Variants in DBN1 observed in about 807,000 individuals in gnomAD.
DBN1 encodes drebrin 1.
A neutral mutation model predicts 83.5 loss-of-function variants in DBN1; 21 were observed. The ratio of observed to expected loss-of-function variants is 0.25; its 90% confidence interval spans 0.18 to 0.36. The LOEUF (loss-of-function observed/expected upper bound fraction) is 0.36, where lower values mean the gene tolerates loss of function less well. DBN1 is among the 10% of genes least tolerant of loss of function. DBN1 has a pLI of 1.00. For missense variants in DBN1, 874 were observed against 935.7 expected (o/e 0.93, Z 0.86); for synonymous variants, 381 against 384.9 (o/e 0.99, Z 0.12).
chr5:177,467,865 C>T lies in DBN1; in HGVS notation c.256-48G>A. ...GGGGTCAGGAAAGGACAAGGGGGGC[C>T]CTACACGATAGGGTGCATCTTCCCC... On this transcript the variant is annotated intron_variant, in intron 3 of 14. Transcript: ENST00000393565. This position sits in a 1 kb window ranked among gnomAD's most constrained non-coding sequence, Gnocchi z 9.1. 6.3e-7 allele frequency: 1 copy of T among 1,582,026 alleles called. No individual in the cohort carries two copies. Among genetic ancestry groups the T allele is most frequent in the Non-Finnish European group, 8.6e-7 (1 of 1,160,998 alleles).
intron 8 of DBN1, among the ~76,000 whole-genome samples, 200 bp from the exon 9 acceptor site, chr5:177,460,903 C>A (rs912524064): frequency 2.0e-5 from 3 of 152,150 alleles, no homozygotes; most frequent in Non-Finnish European, 2.9e-5. Flanking sequence ...CCTCAGCCTC[C>A]CGAGTAGCTG....
rs780160317 is a variant in DBN1, at chr5:177,473,527, G to C, written c.-6C>G. 1.4e-6 allele frequency: 2 copies of C among 1,400,454 alleles called. No homozygotes were observed. The highest frequency in any genetic ancestry group is 1.9e-6 in the Non-Finnish European group (2 of 1,067,824). 86.8% of individuals were successfully genotyped at this position (1,400,454 alleles called of 1,614,324 possible). A position where few individuals can be genotyped will look rare whatever the true frequency, so the allele number is the denominator to read the frequency against. ...CTGAAGCTGACGCCGGCCATGCTTC[G>C]GGCCGGACCGGGCCGAACGGACAGA... On this transcript the variant is annotated 5_prime_UTR_variant, in exon 1 of 15. Coordinates refer to ENST00000393565, the MANE Select transcript of DBN1 (RefSeq NM_001363541.2).
chr5:177,466,634 T>C lies in DBN1; in HGVS notation c.771+138A>G, dbSNP rs888679354. 1.3e-5 allele frequency: 13 copies of C among 970,716 alleles called. No individual in the cohort carries two copies. The highest frequency in any genetic ancestry group is 6.4e-5 in the African/African-American group (4 of 62,098). The allele number at this position is 970,716 out of a possible 1,614,324, so 60.1% of individuals were successfully genotyped here. ...ATGAGGTGCCAGGCCTCATGCTCCATGGCACCCTGTGCCCATGCAGCTCCC... is the reference window on the plus strand; with the variant it reads ...ATGAGGTGCCAGGCCTCATGCTCCACGGCACCCTGTGCCCATGCAGCTCCC... On this transcript the variant is annotated intron_variant, in intron 8 of 14. Transcript: ENST00000393565. The surrounding 1 kb of genome is among the most constrained non-coding windows in gnomAD (Gnocchi z 4.8).
At chr5:177,460,728 G>C in intron 8 of DBN1, 25 bp from the exon 9 acceptor site, 1 of 1,611,952 alleles carries the variant, frequency 6.2e-7, no homozygotes, top group Non-Finnish European at 8.5e-7. Flanking sequence ...GACAGTGTCT[G>C]GTGCACCTAC....
rs140737844 is a variant in DBN1, at chr5:177,460,818, C to T, written c.772-115G>A. The T allele has an allele frequency of 5.2e-4, 551 of 1,067,950 alleles. No individual in the cohort carries two copies. In the African/African-American group the frequency reaches 7.9e-3, roughly 15 times the overall value. The allele number at this position is 1,067,950 out of a possible 1,614,324, so 66.2% of individuals were successfully genotyped here. On this transcript the variant is annotated intron_variant, in intron 8 of 14. Coordinates refer to ENST00000393565, the MANE Select transcript of DBN1 (RefSeq NM_001363541.2). Reference sequence around the variant, plus strand: ...TTTTTAAGACAGGTTCTCGCCCTACCACCCAGGCTGGGGAGCAGTGGTACA... The same window carrying T: ...TTTTTAAGACAGGTTCTCGCCCTACTACCCAGGCTGGGGAGCAGTGGTACA...
chr5:177,467,057 T>A lies in DBN1; in HGVS notation c.561A>T (p.Glu187Asp). The A allele has an allele frequency of 6.2e-7, 1 of 1,613,760 alleles. No individual in the cohort carries two copies. Among genetic ancestry groups the A allele is most frequent in the East Asian group, 2.2e-5 (1 of 44,862 alleles). Residue 187 changes from glutamate (E) to aspartate (D), a missense_variant, in exon 7 of 15, where the codon GAA becomes GAT. This residue lies in a region of DBN1 where 725 missense variants were observed against 719.7 expected (regional missense o/e 1.01). Transcript: ENST00000393565. The surrounding 1 kb of genome is among the most constrained non-coding windows in gnomAD (Gnocchi z 9.1). ...REQFWEQAKKEEELRKEEERK... is the reference protein window; with the variant it reads ...REQFWEQAKKDEELRKEEERK... ...GCTCCTCCTCCTTCCGCAGCTCTTC[T>A]TCCTTCTGCAAGCCCCGGTGCGAAC...
At position 177,459,691 on chromosome 5, in the gene DBN1, G is replaced by A. The variant is rs1756865509; in HGVS notation, c.1005C>T (p.Ser335=). Residue 335 remains serine (S), a synonymous_variant, in exon 11 of 15, where the codon TCC becomes TCT. Transcript: ENST00000393565. ...FIKASDSGPS[S]SSSSSSSPPR... is the part of the protein sequence containing the mutation. ...GAGGGGAGGAGGAGGAAGAGGAGGAGGAGGAAGGCCCACTGTCCGATGCCT... is the reference window on the plus strand; with the variant it reads ...GAGGGGAGGAGGAGGAAGAGGAGGAAGAGGAAGGCCCACTGTCCGATGCCT... 6.3e-7 allele frequency: 1 copy of A among 1,591,136 alleles called. No homozygotes were observed. The highest frequency in any genetic ancestry group is 8.6e-7 in the Non-Finnish European group (1 of 1,169,348).
At position 177,459,585 on chromosome 5, in the gene DBN1, C is replaced by A; in HGVS notation, c.1093+18G>T. 6.7e-7 allele frequency: 1 copy of A among 1,496,970 alleles called. No homozygotes were observed. Among genetic ancestry groups the A allele is most frequent in the Admixed American group, 2.3e-5 (1 of 44,200 alleles). 92.7% of individuals were successfully genotyped at this position (1,496,970 alleles called of 1,614,324 possible). A position where few individuals can be genotyped will look rare whatever the true frequency, so the allele number is the denominator to read the frequency against. ...GCCCTCCTTACCACCCCCGCCGAGG[C>A]CTGGGGCTGCTACCTACATGGGAGG... On this transcript the variant is annotated intron_variant, in intron 11 of 14. Transcript: ENST00000393565.
rs760991269 is a variant in DBN1, at chr5:177,456,727, C to T, written c.*706G>A. 2.7e-5 allele frequency: 4 copies of T among 148,000 alleles called. No homozygotes were observed. Among genetic ancestry groups the T allele is most frequent in the Non-Finnish European group, 5.9e-5 (4 of 67,246 alleles). The allele number at this position is 148,000 out of a possible 1,614,324, so 9.2% of individuals were successfully genotyped here. ...CAGTTACTAAACGTGAAAAAGGAAC[C>T]CAAGCAAAGAGGAAGGAGTTGGGGA... is the stretch of plus-strand genomic sequence containing the variant. On this transcript the variant is annotated 3_prime_UTR_variant, in exon 15 of 15. Transcript: ENST00000393565.
intron 2 of DBN1, chr5:177,468,524 A>G (rs1012830089): frequency 1.0e-5 from 5 of 476,366 alleles, no homozygotes; most frequent in Non-Finnish European, 1.5e-5. Context: ...CAGTGCCCAG[A>G]GGCACAATCA....
At chr5:177,468,999 G>A (rs1286005334) in intron 1 of DBN1, 100 bp from the exon 2 acceptor site, 9 of 650,798 alleles carry the variant, frequency 1.4e-5, no homozygotes, top group Non-Finnish European at 2.1e-5. Flanking sequence ...GAGTGGGTAG[G>A]ACAGGAACGG....
Position 177,467,775 on chromosome 5 carries a change from T to A in DBN1, c.298A>T (p.Ser100Cys). The change falls in exon 4 of 15, where the codon AGC becomes TGC. Residue 100 changes from serine (S) to cysteine (C), a missense_variant. Ser to Cys is a moderately radical substitution (Grantham distance 112, BLOSUM62 -1). Around this residue, in one of 4 missense-constraint regions of DBN1, gnomAD observed 65 missense variants for 97.3 expected, o/e 0.67. Coordinates refer to ENST00000393565, the MANE Select transcript of DBN1 (RefSeq NM_001363541.2). The surrounding 1 kb of genome is among the most constrained non-coding windows in gnomAD (Gnocchi z 9.1). ...AACTCCGCCACCTTAGCCACGTGGC[T>A]GGCACAAGCGCACTTGCGGGCATCA... ...VPDARKCACA[S>C]HVAKVAEFFQ... The A allele has an allele frequency of 6.4e-7, 1 of 1,556,068 alleles. No homozygotes were observed. Among genetic ancestry groups the A allele is most frequent in the South Asian group, 1.2e-5 (1 of 84,908 alleles).
In DBN1 at chr5:177,460,696, T is replaced by C. The variant is rs763242867; in HGVS notation, c.779A>G (p.His260Arg). Reference protein sequence around the residue: ...RLKEQSIFGDHRDEEEETHMK... With the variant: ...RLKEQSIFGDRRDEEEETHMK... ...GTGGGTCTCTTCCTCCTCATCCCGA[T>C]GGTCACCCTAGAAACCAAAGGGACA... The change falls in exon 9 of 15, where the codon CAT becomes CGT. Residue 260 changes from histidine to arginine, a missense_variant. Physicochemically the swap from His to Arg is conservative, Grantham distance 29 (BLOSUM62 0). Transcript: ENST00000393565. 5.0e-6 allele frequency: 8 copies of C among 1,613,926 alleles called. No individual in the cohort carries two copies. In the South Asian group the frequency reaches 5.5e-5, roughly 11 times the overall value.
intron 10 of DBN1, 129 bp from the exon 11 acceptor site, chr5:177,459,869 ACAAT>A: frequency 9.3e-7 from 1 of 1,073,602 alleles, no homozygotes; most frequent in South Asian, 1.9e-5. Flanking sequence ...AGCCAGGGGC[ACAAT>A]CAGCCAAGCC....
rs899850827 is a variant in DBN1 at position 177,456,854 on chromosome 5, G to C, written c.*579C>G. On this transcript the variant is annotated 3_prime_UTR_variant, in exon 15 of 15. Coordinates refer to ENST00000393565, the MANE Select transcript of DBN1 (RefSeq NM_001363541.2). ...CCGGCAGGAGACGGGGGGTAGCCGA[G>C]GGGCCCCAGCTGGGCCTGCTACTTC... The C allele has an allele frequency of 2.6e-5, 4 of 153,490 alleles. No homozygotes were observed. The highest frequency in any genetic ancestry group is 1.3e-4 in the Admixed American group (2 of 15,288). The allele number at this position is 153,490 out of a possible 1,614,324, so 9.5% of individuals were successfully genotyped here. A position where few individuals can be genotyped will look rare whatever the true frequency, so the allele number is the denominator to read the frequency against.
intron 1 of DBN1, among the ~76,000 whole-genome samples, chr5:177,470,353 C>T (rs1757755366): frequency 6.6e-6 from 1 of 152,172 alleles, no homozygotes. Context: ...GACCCTAGTT[C>T]CTAGAGACTG....
Position 177,473,622 on chromosome 5 carries a change from T to A in DBN1, c.-101A>T. 1 of 401,602 alleles carries A rather than the reference T, an allele frequency of 2.5e-6. No individual in the cohort carries two copies. Among genetic ancestry groups the A allele is most frequent in the Non-Finnish European group, 3.3e-6 (1 of 299,786 alleles). 24.9% of individuals were successfully genotyped at this position (401,602 alleles called of 1,614,324 possible). A position where few individuals can be genotyped will look rare whatever the true frequency, so the allele number is the denominator to read the frequency against. ...GAGTCGCCGCCGCCGCCTCGGAGCC[T>A]CTGCAGCGTCGCGAGCCGAGCGAGC... On this transcript the variant is annotated 5_prime_UTR_variant, in exon 1 of 15. Coordinates refer to ENST00000393565, the MANE Select transcript of DBN1 (RefSeq NM_001363541.2).
intron 1 of DBN1, among the ~76,000 whole-genome samples, chr5:177,469,761 GCCT>G (rs1757713660): frequency 6.6e-6 from 1 of 152,244 alleles, no homozygotes; most frequent in African/African-American, 2.4e-5. Flanking sequence ...AGGCAGAGAT[GCCT>G]CCTCCATCAC....
At chr5:177,468,297 G>A (rs1247906560) in intron 2 of DBN1, 77 bp from the exon 3 acceptor site, 2 of 1,322,738 alleles carry the variant, frequency 1.5e-6, no homozygotes, top group Non-Finnish European at 2.2e-6. Flanking sequence ...TCAAAGCAAA[G>A]ACTCCTCCAG....
Sources: allele counts gnomAD v4.1 joint callset (sites outside exome capture counted in the v4.1 genomes callset), GRCh38; gene constraint gnomAD v4.1.1; regional missense constraint gnomAD v4.1.1; non-coding constraint Gnocchi (gnomAD v3.1); transcripts MANE v1.5; gene names NCBI Gene and HGNC (gene_info 2026-07-23, HGNC 2026-07-21).